The following KANK3 variants were observed in gnomAD, a reference collection of about 807,000 sequenced individuals.
KANK3 encodes KN motif and ankyrin repeat domains 3.
KANK3 carries 61 observed loss-of-function variants against 65.4 expected under a neutral mutation model. The observed-to-expected ratio is 0.93, with a 90% CI of 0.76 to 1.15. The LOEUF (loss-of-function observed/expected upper bound fraction) is 1.15. KANK3 is among the 50% of genes most tolerant of loss of function. KANK3 has a pLI of 0.00. For missense variants in KANK3, 1,187 were observed against 1,178.8 expected (o/e 1.01, Z -0.10); for synonymous variants, 586 against 543.3 (o/e 1.08, Z -1.09).
In KANK3 at chr19:8,335,734, G is replaced by A; in HGVS notation, c.93C>T (p.Ser31=). 1 of 1,246,454 alleles carries A rather than the reference G, an allele frequency of 8.0e-7. No individual in the cohort carries two copies. Among genetic ancestry groups the A allele is most frequent in the Non-Finnish European group, 1.0e-6 (1 of 990,736 alleles). The allele number at this position is 1,246,454 out of a possible 1,614,324, so 77.2% of individuals were successfully genotyped here. ...VPAAGGARSP[S]SPYSVETPYG... is the part of the protein sequence containing the mutation. Reference sequence around the variant, plus strand: ...AGGGCGTCTCCACCGAGTAGGGCGAGCTCGGGCTGCGTGCGCCCCCGGCGG... The same window carrying A: ...AGGGCGTCTCCACCGAGTAGGGCGAACTCGGGCTGCGTGCGCCCCCGGCGG... Residue 31 remains serine (S), a synonymous_variant, in exon 3 of 11, where the codon AGC becomes AGT. Coordinates refer to ENST00000330915, the MANE Select transcript of KANK3 (RefSeq NM_198471.3).
rs1257912353 is a variant in KANK3, at chr19:8,325,033, G to A, written c.2000C>T (p.Thr667Ile). The change falls in exon 8 of 11, where the codon ACC becomes ATC. Residue 667 changes from threonine (T) to isoleucine (I), a missense_variant. Physicochemically the swap from Thr to Ile is moderately conservative, Grantham distance 89. Around this residue, in one of 3 missense-constraint regions of KANK3, gnomAD observed 1,078 missense variants for 1,038.2 expected, o/e 1.04. Coordinates refer to ENST00000330915, the MANE Select transcript of KANK3 (RefSeq NM_198471.3). ...GTCCTCCTCTTCCTGCCTCACAGAG[G>A]TGAGTGCAGCCAGCATGAGGGCCGA... ...GYSALMLAAL[T>I]SVRQEEEDMA... 3 of 1,613,900 alleles carry A rather than the reference G, an allele frequency of 1.9e-6. No individual in the cohort carries two copies. The highest frequency in any genetic ancestry group is 1.7e-6 in the Non-Finnish European group (2 of 1,180,004).
Position 8,340,890 on chromosome 19 carries a change from T to A in KANK3, c.-29+2335A>T, listed in dbSNP as rs969036482. 3.9e-4 allele frequency among the ~76,000 whole-genome samples: 60 copies of A among 152,294 alleles called. 1 individual carries two copies. The highest frequency in any genetic ancestry group is 1.3e-3 in the African/African-American group (54 of 41,558). On this transcript the variant is annotated intron_variant, in intron 1 of 10. Coordinates refer to ENST00000330915, the MANE Select transcript of KANK3 (RefSeq NM_198471.3). Reference sequence around the variant, plus strand: ...CGCAGAGGACAGCCAATGCCGTTCATCACTTGTTTTCAGGAAATTGCCAGG... The same window carrying A: ...CGCAGAGGACAGCCAATGCCGTTCAACACTTGTTTTCAGGAAATTGCCAGG...
rs1293091402 is a variant in KANK3 at position 8,335,425 on chromosome 19, G to A, written c.402C>T (p.Leu134=). Residue 134 remains leucine, a synonymous_variant, in exon 3 of 11, where the codon CTC becomes CTT. Transcript: ENST00000330915. ...PVRNPRVEHT[L]RETSRRLELA... ...GCTCCAGCCGCCGGCTGGTCTCCCG[G>A]AGCGTGTGCTCGACGCGCGGGTTGC... is the stretch of plus-strand genomic sequence containing the variant. 4.9e-6 allele frequency: 6 copies of A among 1,213,824 alleles called. No homozygotes were observed. In the Admixed American group the frequency reaches 2.2e-4, roughly 44 times the overall value. The allele number at this position is 1,213,824 out of a possible 1,614,324, so 75.2% of individuals were successfully genotyped here.
At chr19:8,322,952 C>T (rs750292434) in intron 10 of KANK3, 30 bp from the exon 11 acceptor site, 12 of 1,242,886 alleles carry the variant, frequency 9.7e-6, no homozygotes, top group Non-Finnish European at 1.3e-5. Context: ...GGGGGGCCTG[C>T]TGCAATCTCC....
At position 8,322,938 on chromosome 19, in the gene KANK3, A is replaced by G; in HGVS notation, c.2383-16T>C. The G allele has an allele frequency of 1.4e-6, 2 of 1,399,546 alleles. No individual in the cohort carries two copies. The highest frequency in any genetic ancestry group is 1.9e-6 in the Non-Finnish European group (2 of 1,037,622). 86.7% of individuals were successfully genotyped at this position (1,399,546 alleles called of 1,614,324 possible). A position where few individuals can be genotyped will look rare whatever the true frequency, so the allele number is the denominator to read the frequency against. On this transcript the variant is annotated splice_polypyrimidine_tract_variant and intron_variant, in intron 10 of 10. Transcript: ENST00000330915. ...GTGACTCGCTCTGGAGAGAGGGGAA[A>G]AGAGGGGGGCCTGCTGCAATCTCCT...
Position 8,333,227 on chromosome 19 carries a change from CGCCCTGCAAGGGACAGGG to C in KANK3, c.1720-15_1722del. On this transcript the variant is annotated splice_acceptor_variant and splice_polypyrimidine_tract_variant and coding_sequence_variant and intron_variant, in exon 7 of 11. Coordinates refer to ENST00000330915, the MANE Select transcript of KANK3 (RefSeq NM_198471.3). LOFTEE classifies it high-confidence loss of function. The surrounding 1 kb of genome is among the most constrained non-coding windows in gnomAD (Gnocchi z 5.0). Reference sequence around the variant, plus strand: ...CACTCCTGGGCCACGAGGCGCACTGCGCCCTGCAAGGGACAGGGGCCAAGATAACATCGGCGATGGTCC... The same window carrying C: ...CACTCCTGGGCCACGAGGCGCACTGCGCCAAGATAACATCGGCGATGGTCC... 1 of 1,609,404 alleles carries C rather than the reference CGCCCTGCAAGGGACAGGG, an allele frequency of 6.2e-7. No individual in the cohort carries two copies. Among genetic ancestry groups the C allele is most frequent in the Non-Finnish European group, 8.5e-7 (1 of 1,178,814 alleles).
In KANK3 at chr19:8,335,578, T is replaced by C. The variant is rs1970622285; in HGVS notation, c.249A>G (p.Ala83=). 2 of 1,220,232 alleles carry C rather than the reference T, an allele frequency of 1.6e-6. No homozygotes were observed. Among genetic ancestry groups the C allele is most frequent in the Non-Finnish European group, 1.0e-6 (1 of 974,482 alleles). 75.6% of individuals were successfully genotyped at this position (1,220,232 alleles called of 1,614,324 possible). ...PRAPRPGLAG[A]RSPGAWTSSE... Reference sequence around the variant, plus strand: ...TGGATGTCCAGGCGCCTGGGCTACGTGCGCCCGCGAGGCCGGGCCGGGGCG... The same window carrying C: ...TGGATGTCCAGGCGCCTGGGCTACGCGCGCCCGCGAGGCCGGGCCGGGGCG... Residue 83 remains alanine, a synonymous_variant, in exon 3 of 11, where the codon GCA becomes GCG. Transcript: ENST00000330915.
At chr19:8,325,137 C>G (rs201126641) in intron 7 of KANK3, 41 bp from the exon 8 acceptor site, 65 of 1,571,482 alleles carry the variant, frequency 4.1e-5, no homozygotes, top group Non-Finnish European at 5.4e-5. Context: ...ATGCCAACAC[C>G]GCGGCCCGAC....
In KANK3 at chr19:8,335,213, C is replaced by A; in HGVS notation, c.614G>T (p.Arg205Leu). The change falls in exon 3 of 11, where the codon CGA becomes CTA. Residue 205 changes from arginine (R) to leucine (L), a missense_variant. Around this residue, in one of 3 missense-constraint regions of KANK3, gnomAD observed 1,078 missense variants for 1,038.2 expected, o/e 1.04. Transcript: ENST00000330915. Reference sequence around the variant, plus strand: ...CTGCTCCTGCAGCTCGGGCAGCGTTCGCGCCTGGTCCTCGAGCTCGCGCAG... The same window carrying A: ...CTGCTCCTGCAGCTCGGGCAGCGTTAGCGCCTGGTCCTCGAGCTCGCGCAG... Reference protein sequence around the residue: ...RRLRELEDQARTLPELQEQVR... With the variant: ...RRLRELEDQALTLPELQEQVR... The A allele has an allele frequency of 1.6e-6, 2 of 1,219,426 alleles. No individual in the cohort carries two copies. Among genetic ancestry groups the A allele is most frequent in the South Asian group, 3.2e-5 (1 of 31,516 alleles). The allele number at this position is 1,219,426 out of a possible 1,614,324, so 75.5% of individuals were successfully genotyped here.
intron 10 of KANK3, chr19:8,323,588 C>G (rs1970364808): frequency 6.6e-6 from 1 of 151,602 alleles, no homozygotes; most frequent in African/African-American, 2.4e-5. Context: ...AAAAAATTAG[C>G]TGGGCATGGT....
chr19:8,324,468 G>A lies in KANK3; in HGVS notation c.2363C>T (p.Ser788Leu), dbSNP rs370040454. Residue 788 changes from serine (S) to leucine (L), a missense_variant, in exon 10 of 11, where the codon TCG becomes TTG. This residue lies in a region of KANK3 where 1,078 missense variants were observed against 1,038.2 expected (regional missense o/e 1.04). Transcript: ENST00000330915. Reference sequence around the variant, plus strand: ...GCTCACCTGGGTGTCGGGCTGGCCCGAGCTCAGGTGGGCATGTAGCAGAGC... The same window carrying A: ...GCTCACCTGGGTGTCGGGCTGGCCCAAGCTCAGGTGGGCATGTAGCAGAGC... ...VAALLHAHLSSGQPDTQSESP... is the reference protein window; with the variant it reads ...VAALLHAHLSLGQPDTQSESP... 19 of 1,608,058 alleles carry A rather than the reference G, an allele frequency of 1.2e-5. No individual in the cohort carries two copies. The highest frequency in any genetic ancestry group is 8.0e-5 in the African/African-American group (6 of 74,872).
intron 7 of KANK3, among the ~76,000 whole-genome samples, chr19:8,330,824 A>C (rs993007241): frequency 3.3e-5 from 5 of 152,090 alleles, no homozygotes; most frequent in African/African-American, 9.7e-5. Context: ...GAATCACTTG[A>C]ACCCGGGAGG....
Position 8,334,527 on chromosome 19 carries a change from C to T in KANK3, c.1300G>A (p.Asp434Asn). 1 of 1,603,718 alleles carries T rather than the reference C, an allele frequency of 6.2e-7. No individual in the cohort carries two copies. Among genetic ancestry groups the T allele is most frequent in the Non-Finnish European group, 8.5e-7 (1 of 1,179,588 alleles). ...GCGGGCGCCACGGCCCTGTCTCCGT[C>T]CATGGATCCGGGCGAGCTCTCCTGA... ...LTQESSPGSM[D>N]GDRAVAPAGI... The change falls in exon 3 of 11, where the codon GAC becomes AAC. Residue 434 changes from aspartate (D) to asparagine (N), a missense_variant. Transcript: ENST00000330915.
intron 7 of KANK3, chr19:8,332,732 G>C (rs1599646916): frequency 6.1e-6 from 1 of 164,394 alleles, no homozygotes; most frequent in Admixed American, 6.4e-5. Flanking sequence ...CAGGAGAATC[G>C]CTTGAACCTG....
Position 8,322,695 on chromosome 19 carries a change from A to T in KANK3, c.*144T>A, listed in dbSNP as rs80148015. ...GCCAGAGTGAGCCCCTTCCTGCCAC[A>T]GTCACCCCAACTGAAATTGCCTTTC... On this transcript the variant is annotated 3_prime_UTR_variant, in exon 11 of 11. Coordinates refer to ENST00000330915, the MANE Select transcript of KANK3 (RefSeq NM_198471.3). The T allele has an allele frequency of 4.9e-3, 3,157 of 640,780 alleles. 83 individuals are homozygous for T. The African/African-American group carries it at 0.054, about 11-fold the overall frequency. The allele number at this position is 640,780 out of a possible 1,614,324, so 39.7% of individuals were successfully genotyped here. A position where few individuals can be genotyped will look rare whatever the true frequency, so the allele number is the denominator to read the frequency against.
At chr19:8,336,915 G>A (rs879358854) in intron 2 of KANK3, among the ~76,000 whole-genome samples, 29 of 152,208 alleles carry the variant, frequency 1.9e-4, no homozygotes, top group Middle Eastern at 6.8e-3. Flanking sequence ...AGTAAAGAAG[G>A]CAGGGGGAAG....
Position 8,334,862 on chromosome 19 carries a change from G to A in KANK3, c.965C>T (p.Thr322Ile). ...GGCAGCCTCCACGCCGGCCTCCCGG[G>A]TCTCCGGCACGGCCTGGGCACCCGC... ...REAGAQAVPETREAGVEAAPE... is the reference protein window; with the variant it reads ...REAGAQAVPEIREAGVEAAPE... The change falls in exon 3 of 11, where the codon ACC becomes ATC. Residue 322 changes from threonine to isoleucine, a missense_variant. Thr to Ile is a moderately conservative substitution (Grantham distance 89). Around this residue, in one of 3 missense-constraint regions of KANK3, gnomAD observed 1,078 missense variants for 1,038.2 expected, o/e 1.04. Coordinates refer to ENST00000330915, the MANE Select transcript of KANK3 (RefSeq NM_198471.3). 1 of 1,463,294 alleles carries A rather than the reference G, an allele frequency of 6.8e-7. No individual in the cohort carries two copies. Among genetic ancestry groups the A allele is most frequent in the South Asian group, 1.3e-5 (1 of 75,548 alleles). The allele number at this position is 1,463,294 out of a possible 1,614,324, so 90.6% of individuals were successfully genotyped here.
chr19:8,335,415 T>C lies in KANK3; in HGVS notation c.412A>G (p.Ser138Gly), dbSNP rs965657923. 3.8e-5 allele frequency: 46 copies of C among 1,205,764 alleles called. No homozygotes were observed. The African/African-American group carries it at 7.1e-4, about 19-fold the overall frequency. The allele number at this position is 1,205,764 out of a possible 1,614,324, so 74.7% of individuals were successfully genotyped here. ...PRVEHTLRET[S>G]RRLELAQTHE... is the part of the protein sequence containing the mutation. Reference sequence around the variant, plus strand: ...GTCTGCGCCAGCTCCAGCCGCCGGCTGGTCTCCCGGAGCGTGTGCTCGACG... The same window carrying C: ...GTCTGCGCCAGCTCCAGCCGCCGGCCGGTCTCCCGGAGCGTGTGCTCGACG... Residue 138 changes from serine to glycine, a missense_variant, in exon 3 of 11, where the codon AGC (serine) becomes GGC (glycine). Around this residue, in one of 3 missense-constraint regions of KANK3, gnomAD observed 1,078 missense variants for 1,038.2 expected, o/e 1.04. Transcript: ENST00000330915.
chr19:8,334,379 A>C lies in KANK3; in HGVS notation c.1368T>G (p.Pro456=). The C allele has an allele frequency of 6.2e-7, 1 of 1,614,106 alleles. No individual in the cohort carries two copies. The highest frequency in any genetic ancestry group is 8.5e-7 in the Non-Finnish European group (1 of 1,180,004). ...TGGGTCCGGAGCTGGGTTGGGCACC[A>C]GGTGTGCCGTCTCTCTTCTTCATGA... ...KSIMKKRDGT[P]GAQPSSGPKS... Residue 456 remains proline, a synonymous_variant, in exon 4 of 11, where the codon CCT becomes CCG. Coordinates refer to ENST00000330915, the MANE Select transcript of KANK3 (RefSeq NM_198471.3).
Sources: gnomAD v4.1 joint callset for allele counts (sites outside exome capture counted in the v4.1 genomes callset) on GRCh38, gnomAD v4.1.1 for gene constraint, gnomAD v4.1.1 regional missense constraint, Gnocchi (gnomAD v3.1) non-coding constraint, MANE v1.5 for transcripts, NCBI Gene and HGNC (gene_info 2026-07-23, HGNC 2026-07-21) for gene names.